SLCO3A1: variants seen among roughly 807,000 people sequenced by gnomAD.
SLCO3A1 encodes PGE1 transporter.
SLCO3A1 carries 27 observed loss-of-function variants against 63.1 expected under a neutral mutation model. That is an observed-to-expected ratio of 0.43 (90% CI 0.32 to 0.59). SLCO3A1 has a LOEUF of 0.59. Ranked by LOEUF, SLCO3A1 falls within the 20% of genes least tolerant of loss-of-function variation. SLCO3A1 has a pLI of 0.09. For synonymous variants in SLCO3A1, 473 were observed against 409.9 expected (o/e 1.15, Z -1.86); for missense variants, 773 against 945.8 (o/e 0.82, Z 2.40).
chr15:92,106,482 C>G (rs185562961), intron 4 of SLCO3A1, among the ~76,000 whole-genome samples: 24 of 152,190 alleles, frequency 1.6e-4, no homozygotes, highest in African/African-American at 5.5e-4. Context: ...TAACTAGACC[C>G]CTAGGAATAA....
At chr15:92,066,407 A>G (rs950505003) in intron 2 of SLCO3A1, among the ~76,000 whole-genome samples, 4 of 152,258 alleles carry the variant, frequency 2.6e-5, no homozygotes, top group African/African-American at 4.8e-5. Flanking sequence ...GTGAATGACA[A>G]TATGCATCCA....
intron 7 of SLCO3A1, among the ~76,000 whole-genome samples, chr15:92,145,389 G>A (rs978553065): frequency 3.3e-5 from 5 of 151,170 alleles, no homozygotes; most frequent in South Asian, 2.1e-4. Flanking sequence ...AGGAAGGTTC[G>A]TTCTCATGTG....
rs1198891598 is a variant in SLCO3A1 at position 92,164,412 on chromosome 15, C to T, written c.*1277C>T. 2.0e-6 allele frequency: 2 copies of T among 985,296 alleles called. No homozygotes were observed. Among genetic ancestry groups the T allele is most frequent in the African/African-American group, 1.7e-5 (1 of 57,248 alleles). 61.0% of individuals were successfully genotyped at this position (985,296 alleles called of 1,614,324 possible). A position where few individuals can be genotyped will look rare whatever the true frequency, so the allele number is the denominator to read the frequency against. The stretch of plus-strand genomic sequence containing the variant: ...GATAATGTGATGAATTGCAAATTTG[C>T]CTTTTAGCTTCCTTCCCCATGATTC... On this transcript the variant is annotated 3_prime_UTR_variant, in exon 10 of 10. Transcript: ENST00000318445.
intron 2 of SLCO3A1, among the ~76,000 whole-genome samples, chr15:91,963,412 G>T (rs4559886): frequency 2.6e-4 from 15 of 58,266 alleles, no homozygotes; most frequent in South Asian, 8.0e-4. Flanking sequence ...GGAGGGTGGG[G>T]GGGGGGGGCG....
chr15:92,064,035 T>G (rs922604371), intron 2 of SLCO3A1, among the ~76,000 whole-genome samples: 1 of 152,214 alleles, frequency 6.6e-6, no homozygotes. Flanking sequence ...AGGTTATCAG[T>G]GACTGAGCAT....
intron 2 of SLCO3A1, among the ~76,000 whole-genome samples, chr15:91,956,545 T>C (rs1377291177): frequency 6.6e-6 from 1 of 152,116 alleles, no homozygotes; most frequent in Non-Finnish European, 1.5e-5. Context: ...GCCTCCGGCA[T>C]TGAGAGATCT....
chr15:92,110,514 A>G (rs2151551591), intron 4 of SLCO3A1, among the ~76,000 whole-genome samples: 1 of 152,016 alleles, frequency 6.6e-6, no homozygotes, highest in South Asian at 2.1e-4. Context: ...AGTTCTCCCT[A>G]TACCCCAGGC....
Position 91,948,316 on chromosome 15 carries a change from A to C in SLCO3A1, c.646+31858A>C, listed in dbSNP as rs2151407659. On this transcript the variant is annotated intron_variant, in intron 2 of 9. Coordinates refer to ENST00000318445, the MANE Select transcript of SLCO3A1 (RefSeq NM_013272.4). The surrounding 1 kb of genome is among the most constrained non-coding windows in gnomAD (Gnocchi z 4.8). ...CCTGCGTAGTGCTCCTGGGAGGTGC[A>C]TTTGAGCTGTCCTAGAAGGGCTTCC... Among the ~76,000 whole-genome samples the C allele has an allele frequency of 6.6e-6, 1 of 152,250 alleles. No homozygotes were observed. The highest frequency in any genetic ancestry group is 1.5e-5 in the Non-Finnish European group (1 of 68,006).
intron 2 of SLCO3A1, among the ~76,000 whole-genome samples, chr15:91,996,978 A>C (rs2046199437): frequency 6.6e-6 from 1 of 152,170 alleles, no homozygotes; most frequent in African/African-American, 2.4e-5. Context: ...AACTAAGTTA[A>C]AAGACAAGAG....
chr15:92,058,021 G>T (rs894761529), intron 2 of SLCO3A1, among the ~76,000 whole-genome samples: 1 of 152,200 alleles, frequency 6.6e-6, no homozygotes, highest in African/African-American at 2.4e-5. Context: ...GAAACAAGAA[G>T]CAGAGAAGTG....
chr15:92,132,649 A>G (rs1324642714), intron 7 of SLCO3A1, among the ~76,000 whole-genome samples: 1 of 145,382 alleles, frequency 6.9e-6, no homozygotes, highest in African/African-American at 2.5e-5. Flanking sequence ...TCAGCCACCA[A>G]TAGAATGTTG....
At chr15:91,961,001 C>T (rs1216259277) in intron 2 of SLCO3A1, among the ~76,000 whole-genome samples, 1 of 152,194 alleles carries the variant, frequency 6.6e-6, no homozygotes, top group Non-Finnish European at 1.5e-5. Context: ...CCATAGTCTG[C>T]TCAACCATGA....
chr15:92,120,667 A>G, intron 5 of SLCO3A1, 38 bp downstream of exon 5: 1 of 1,580,386 alleles, frequency 6.3e-7, no homozygotes, highest in Non-Finnish European at 8.7e-7. Context: ...GGGTCGGGGG[A>G]GGGTGTCCTG....
intron 2 of SLCO3A1, among the ~76,000 whole-genome samples, chr15:92,060,420 C>G (rs922561627): frequency 1.3e-5 from 2 of 151,848 alleles, no homozygotes; most frequent in Non-Finnish European, 2.9e-5. Flanking sequence ...ATTAGCTGGG[C>G]GCTGTGATGC....
At position 91,954,219 on chromosome 15, in the gene SLCO3A1, C is replaced by T. The variant is rs146979207; in HGVS notation, c.646+37761C>T. ...CAGACCCCTAGGGGTTTCTGAACCA[C>T]GCACTGAGAATTCCATTGGATTAGA... On this transcript the variant is annotated intron_variant, in intron 2 of 9. Coordinates refer to ENST00000318445, the MANE Select transcript of SLCO3A1 (RefSeq NM_013272.4). This position sits in a 1 kb window ranked among gnomAD's most constrained non-coding sequence, Gnocchi z 4.7. Among the ~76,000 whole-genome samples the T allele has an allele frequency of 8.8e-3, 1,346 of 152,296 alleles. 5 individuals carry two copies. The highest frequency in any genetic ancestry group is 0.013 in the Non-Finnish European group (916 of 68,014).
chr15:91,890,930 C>A lies in SLCO3A1; in HGVS notation c.181-25063C>A, dbSNP rs573163684. On this transcript the variant is annotated intron_variant, in intron 1 of 9. Transcript: ENST00000318445. Reference sequence around the variant, plus strand: ...ATTCATTTTTAAGTAAAGGCTTTCTCCCTTATGATAATATCACAATAATTG... The same window carrying A: ...ATTCATTTTTAAGTAAAGGCTTTCTACCTTATGATAATATCACAATAATTG... Among the ~76,000 whole-genome samples, 8 of 152,284 alleles carry A rather than the reference C, an allele frequency of 5.3e-5. No homozygotes were observed. The East Asian group carries it at 1.5e-3, about 29-fold the overall frequency.
chr15:91,982,055 G>C (rs568078234), intron 2 of SLCO3A1, among the ~76,000 whole-genome samples: 1 of 152,264 alleles, frequency 6.6e-6, no homozygotes, highest in Non-Finnish European at 1.5e-5. Flanking sequence ...AGTCCTTGGC[G>C]TGCAAGGTGA....
Position 92,164,029 on chromosome 15 carries a change from A to G in SLCO3A1, c.*894A>G, listed in dbSNP as rs2048472443. 2.0e-6 allele frequency: 2 copies of G among 985,186 alleles called. No homozygotes were observed. Among genetic ancestry groups the G allele is most frequent in the South Asian group, 9.4e-5 (2 of 21,294 alleles). The allele number at this position is 985,186 out of a possible 1,614,324, so 61.0% of individuals were successfully genotyped here. Reference sequence around the variant, plus strand: ...TTACATTTGCCAAAAACATTTTGCCATTTTTAAAAGAAAAAAATACAATCC... The same window carrying G: ...TTACATTTGCCAAAAACATTTTGCCGTTTTTAAAAGAAAAAAATACAATCC... On this transcript the variant is annotated 3_prime_UTR_variant, in exon 10 of 10. Transcript: ENST00000318445.
At chr15:92,135,897 G>A (rs1001017185) in intron 7 of SLCO3A1, among the ~76,000 whole-genome samples, 21 of 152,168 alleles carry the variant, frequency 1.4e-4, no homozygotes, top group Non-Finnish European at 2.2e-4. Flanking sequence ...GCCAGGCATG[G>A]TGGCATGCCT....
Sources: gnomAD v4.1 joint callset for allele counts (sites outside exome capture counted in the v4.1 genomes callset) on GRCh38, gnomAD v4.1.1 for gene constraint, Gnocchi (gnomAD v3.1) non-coding constraint, MANE v1.5 for transcripts, NCBI Gene and HGNC (gene_info 2026-07-23, HGNC 2026-07-21) for gene names.